Variants in ST6GAL1 observed in about 807,000 individuals in gnomAD.
ST6GAL1 encodes beta-galactoside alpha-2,6-sialyltransferase 1.
Under a neutral mutation model 38.0 loss-of-function variants are expected in ST6GAL1, and 20 were observed. The ratio of observed to expected loss-of-function variants is 0.53; its 90% CI spans 0.37 to 0.77. The LOEUF is 0.77. ST6GAL1 is among the 30% of genes least tolerant of loss of function. The pLI is 0.00. For missense variants in ST6GAL1, 432 were observed against 496.4 expected, an observed-to-expected ratio of 0.87 and a Z score of 1.23; for synonymous variants, 196 against 188.2, an observed-to-expected ratio of 1.04 and a Z score of -0.34.
Position 187,075,551 on chromosome 3 carries a change from C to G in ST6GAL1, c.980-11C>G. The G allele has an allele frequency of 6.2e-7, 1 of 1,613,332 alleles. No individual in the cohort carries two copies. Among genetic ancestry groups the G allele is most frequent in the Non-Finnish European group, 8.5e-7 (1 of 1,179,352 alleles). ...TTGTCAGGCATGACTCACCTCTGCT[C>G]CCCTCTCCAGGTATCATCATCATGA... is the stretch of plus-strand genomic sequence containing the variant. On this transcript the variant is annotated splice_polypyrimidine_tract_variant and intron_variant, in intron 7 of 7. Transcript: ENST00000169298. The surrounding 1 kb of genome is among the most constrained non-coding windows in gnomAD (Gnocchi z 4.1).
intron 6 of ST6GAL1, chr3:187,073,545 G>A (rs1436027710): frequency 6.4e-6 from 1 of 156,688 alleles, no homozygotes; most frequent in Non-Finnish European, 1.4e-5. Context: ...AACCTCTCTG[G>A]AATAGTCCTC....
intron 2 of ST6GAL1, among the ~76,000 whole-genome samples, chr3:186,978,189 T>C (rs1451543233): frequency 1.3e-5 from 2 of 151,966 alleles, no homozygotes; most frequent in African/African-American, 4.8e-5. Flanking sequence ...CCAGCCTGGG[T>C]GACAGAGCGA....
chr3:187,001,452 T>C (rs189187396), intron 2 of ST6GAL1, among the ~76,000 whole-genome samples: 1 of 152,326 alleles, frequency 6.6e-6, no homozygotes, highest in East Asian at 1.9e-4. Flanking sequence ...ACATAAGTAG[T>C]GCTCAATAAC....
chr3:187,076,136 C>G lies in ST6GAL1; in HGVS notation c.*333C>G, dbSNP rs1560188094. On this transcript the variant is annotated 3_prime_UTR_variant, in exon 8 of 8. Coordinates refer to ENST00000169298, the MANE Select transcript of ST6GAL1 (RefSeq NM_173216.2). ...GCTGCCAAAGCTGGGCTTTGTTTTT[C>G]CCAGCAGAATGATGCCATTCTCACA... is the stretch of plus-strand genomic sequence containing the variant. The G allele has an allele frequency of 2.7e-5, 8 of 292,130 alleles. No individual in the cohort carries two copies. The highest frequency in any genetic ancestry group is 5.2e-5 in the Non-Finnish European group (8 of 155,304). The allele number at this position is 292,130 out of a possible 1,614,324, so 18.1% of individuals were successfully genotyped here. A position where few individuals can be genotyped will look rare whatever the true frequency, so the allele number is the denominator to read the frequency against.
At chr3:186,960,664 A>G in intron 1 of ST6GAL1, among the ~76,000 whole-genome samples, 1 of 150,154 alleles carries the variant, frequency 6.7e-6, no homozygotes, top group Middle Eastern at 3.4e-3. Flanking sequence ...TACTTAATAG[A>G]AAAAAAAAAC....
intron 4 of ST6GAL1, among the ~76,000 whole-genome samples, chr3:187,045,246 C>T (rs931569252): frequency 6.6e-6 from 1 of 151,814 alleles, no homozygotes; most frequent in Admixed American, 6.6e-5. Context: ...GGGAAATATC[C>T]TCAGAAGTGA....
At chr3:187,022,206 A>G (rs1717339287) in intron 2 of ST6GAL1, among the ~76,000 whole-genome samples, 2 of 152,244 alleles carry the variant, frequency 1.3e-5, no homozygotes, top group East Asian at 1.9e-4. Flanking sequence ...TAGTGTTGGA[A>G]CTGAATTAGA....
intron 5 of ST6GAL1, among the ~76,000 whole-genome samples, chr3:187,060,224 G>A (rs529385163): frequency 3.3e-5 from 5 of 152,110 alleles, no homozygotes; most frequent in Admixed American, 6.5e-5. Context: ...GCAGTGGCGC[G>A]ATCTCAGCTC....
chr3:187,043,903 A>AAC (rs1195537792), intron 4 of ST6GAL1: 4 of 152,238 alleles, frequency 2.6e-5, no homozygotes, highest in Non-Finnish European at 4.4e-5. Flanking sequence ...TTTCTCTTTG[A>AAC]AAAGATTTAA....
chr3:187,040,883 G>T (rs1718103020), intron 3 of ST6GAL1, among the ~76,000 whole-genome samples: 1 of 152,196 alleles, frequency 6.6e-6, no homozygotes, highest in South Asian at 2.1e-4. Flanking sequence ...GGTTCCTGAG[G>T]TCTGGGATGG....
At chr3:187,057,705 C>T (rs761200070) in intron 5 of ST6GAL1, among the ~76,000 whole-genome samples, 3 of 152,160 alleles carry the variant, frequency 2.0e-5, no homozygotes, top group South Asian at 2.1e-4. Flanking sequence ...AGGTGTCAGT[C>T]GGCCCCTACT....
chr3:186,959,065 A>G (rs1370467084), intron 1 of ST6GAL1, among the ~76,000 whole-genome samples: 1 of 152,202 alleles, frequency 6.6e-6, no homozygotes, highest in Non-Finnish European at 1.5e-5. Context: ...TAGGCACCCA[A>G]TCAAAGCTGA....
At chr3:187,036,284 C>T (rs555590310) in intron 2 of ST6GAL1, among the ~76,000 whole-genome samples, 5 of 152,126 alleles carry the variant, frequency 3.3e-5, no homozygotes, top group Non-Finnish European at 7.4e-5. Context: ...AAGGGAACAC[C>T]TACACACTGT....
chr3:186,975,965 C>T (rs979615076), intron 2 of ST6GAL1, among the ~76,000 whole-genome samples: 23 of 152,196 alleles, frequency 1.5e-4, no homozygotes, highest in African/African-American at 5.5e-4. Context: ...GGACAGCCTC[C>T]CAGCCTCCCA....
At chr3:187,005,063 T>C (rs924383688) in intron 2 of ST6GAL1, among the ~76,000 whole-genome samples, 6 of 151,846 alleles carry the variant, frequency 4.0e-5, no homozygotes, top group African/African-American at 1.5e-4. Context: ...TATTGCAGTT[T>C]TTTTTTTAGG....
intron 2 of ST6GAL1, among the ~76,000 whole-genome samples, chr3:186,987,806 A>G (rs1293448964): frequency 6.6e-6 from 1 of 152,248 alleles, no homozygotes; most frequent in East Asian, 1.9e-4. Flanking sequence ...TATGATATTT[A>G]AGGGAATTAT....
At chr3:186,966,899 T>C (rs1472004837) in intron 2 of ST6GAL1, among the ~76,000 whole-genome samples, 2 of 152,210 alleles carry the variant, frequency 1.3e-5, no homozygotes, top group Non-Finnish European at 2.9e-5. Context: ...AGATTATTCC[T>C]CTGGCTAGGG....
At chr3:187,058,096 TGAGCCA>T (rs1443765162) in intron 5 of ST6GAL1, among the ~76,000 whole-genome samples, 10 of 152,356 alleles carry the variant, frequency 6.6e-5, no homozygotes, top group African/African-American at 2.4e-4. Flanking sequence ...TGGGACCCGC[TGAGCCA>T]GGCACAGGAT....
intron 5 of ST6GAL1, among the ~76,000 whole-genome samples, chr3:187,059,159 C>T (rs1220751021): frequency 1.3e-5 from 2 of 151,444 alleles, no homozygotes; most frequent in African/African-American, 2.4e-5. Flanking sequence ...AATGATCACT[C>T]CCCTATTAGT....
Sources: gnomAD v4.1 joint callset for allele counts (sites outside exome capture counted in the v4.1 genomes callset) on GRCh38, gnomAD v4.1.1 for gene constraint, Gnocchi (gnomAD v3.1) non-coding constraint, MANE v1.5 for transcripts, NCBI Gene and HGNC (gene_info 2026-07-23, HGNC 2026-07-21) for gene names.